TMEM132D: variants seen among roughly 807,000 people sequenced by gnomAD.
The protein encoded by TMEM132D is mature OL transmembrane protein.
Under a neutral mutation model 62.3 loss-of-function variants are expected in TMEM132D, and 21 were observed. The observed-to-expected ratio is 0.34, with a 90% confidence interval of 0.24 to 0.49. The LOEUF (loss-of-function observed/expected upper bound fraction) is 0.49. TMEM132D is among the 20% of genes least tolerant of loss of function. The probability of loss-of-function intolerance (pLI) is 0.99; values close to 1 mark genes in which losing one functional copy is unlikely to be tolerated. For missense variants in TMEM132D, 1,346 were observed against 1,402.8 expected, an observed-to-expected ratio of 0.96 and a Z score of 0.65; for synonymous variants, 621 against 575.6, an observed-to-expected ratio of 1.08 and a Z score of -1.13.
chr12:129,568,365 C>A (rs966240948), intron 2 of TMEM132D, among the ~76,000 whole-genome samples: 1 of 152,228 alleles, frequency 6.6e-6, no homozygotes, highest in African/African-American at 2.4e-5. Flanking sequence ...CACTGACAAA[C>A]GCAATTCCCT....
In TMEM132D at chr12:129,209,501, CG is replaced by C. The variant is rs1565998149; in HGVS notation, c.1443+18del. ...ACATGACAGCAGGTTTCTGCAGGGG[CG>C]GGGAGGTGTCAACTTGCCTTAATCA... On this transcript the variant is annotated intron_variant, in intron 5 of 8. Transcript: ENST00000422113. The C allele has an allele frequency of 6.2e-7, 1 of 1,613,328 alleles. No individual in the cohort carries two copies.
At chr12:129,594,219 T>C (rs1290033698) in intron 2 of TMEM132D, among the ~76,000 whole-genome samples, 2 of 152,220 alleles carry the variant, frequency 1.3e-5, no homozygotes, top group African/African-American at 4.8e-5. Flanking sequence ...TTAAAGCTGA[T>C]TTGGCTTAGC....
intron 2 of TMEM132D, chr12:129,681,644 G>T (rs1487933798): frequency 1.3e-5 from 2 of 152,210 alleles, no homozygotes; most frequent in Non-Finnish European, 2.9e-5. Context: ...AGAAGCTCCA[G>T]ATCATCACTT....
At chr12:129,703,376 G>T (rs886323535) in intron 1 of TMEM132D, among the ~76,000 whole-genome samples, 1 of 152,146 alleles carries the variant, frequency 6.6e-6, no homozygotes, top group Non-Finnish European at 1.5e-5. Flanking sequence ...TCCACAAATG[G>T]TCTATTAGTC....
At chr12:129,589,491 C>T (rs1203633625) in intron 2 of TMEM132D, among the ~76,000 whole-genome samples, 1 of 152,190 alleles carries the variant, frequency 6.6e-6, no homozygotes, top group Non-Finnish European at 1.5e-5. Context: ...TATGCAAGGA[C>T]AAACGATTCA....
At chr12:129,301,805 C>G (rs1308918926) in intron 4 of TMEM132D, among the ~76,000 whole-genome samples, 3 of 152,042 alleles carry the variant, frequency 2.0e-5, no homozygotes, top group Admixed American at 6.6e-5. Context: ...ATGAAACGCC[C>G]AACACCAGAA....
At chr12:129,229,188 C>G (rs1356972323) in intron 4 of TMEM132D, among the ~76,000 whole-genome samples, 2 of 152,206 alleles carry the variant, frequency 1.3e-5, no homozygotes, top group Non-Finnish European at 2.9e-5. Context: ...AAACACTCAG[C>G]TTCGGGTGTA....
chr12:129,848,424 G>T (rs932747953), intron 1 of TMEM132D, among the ~76,000 whole-genome samples: 5 of 152,066 alleles, frequency 3.3e-5, no homozygotes, highest in African/African-American at 1.2e-4. Context: ...GCTTCAGCTT[G>T]GTCTTAAGAT....
intron 1 of TMEM132D, among the ~76,000 whole-genome samples, chr12:129,723,713 T>C (rs1208549928): frequency 6.6e-6 from 1 of 152,204 alleles, no homozygotes; most frequent in Non-Finnish European, 1.5e-5. Context: ...ACAGTCCTTC[T>C]TATCTTCTTT....
intron 5 of TMEM132D, among the ~76,000 whole-genome samples, chr12:129,134,324 C>T (rs1339165933): frequency 1.3e-5 from 2 of 151,974 alleles, no homozygotes; most frequent in Non-Finnish European, 2.9e-5. Context: ...CTTTCTTTAT[C>T]CACTTTTGGA....
chr12:129,841,094 A>G (rs1402767454), intron 1 of TMEM132D, among the ~76,000 whole-genome samples: 1 of 152,194 alleles, frequency 6.6e-6, no homozygotes, highest in Non-Finnish European at 1.5e-5. Flanking sequence ...GGATGCATAA[A>G]CACGCAGAGT....
chr12:129,810,515 A>C (rs559421667), intron 1 of TMEM132D, among the ~76,000 whole-genome samples: 1 of 151,492 alleles, frequency 6.6e-6, no homozygotes, highest in African/African-American at 2.4e-5. Flanking sequence ...GGTCCTGCAT[A>C]TAAATTAATT....
At chr12:129,679,622 A>C (rs968062835) in intron 2 of TMEM132D, among the ~76,000 whole-genome samples, 4 of 151,866 alleles carry the variant, frequency 2.6e-5, no homozygotes, top group African/African-American at 9.7e-5. Flanking sequence ...TCTTTATGTC[A>C]ATAATTCTAT....
chr12:129,492,798 C>T (rs1874838793), intron 3 of TMEM132D, among the ~76,000 whole-genome samples: 1 of 152,112 alleles, frequency 6.6e-6, no homozygotes, highest in Non-Finnish European at 1.5e-5. Flanking sequence ...CTAAGGTCTA[C>T]CCATGAACAA....
chr12:129,183,358 G>A (rs1021247296), intron 5 of TMEM132D, among the ~76,000 whole-genome samples: 11 of 152,178 alleles, frequency 7.2e-5, no homozygotes, highest in South Asian at 2.1e-4. Context: ...CTGCTCATCC[G>A]TCATTATCTT....
chr12:129,346,448 T>A (rs139234966), intron 3 of TMEM132D, among the ~76,000 whole-genome samples: 4 of 152,330 alleles, frequency 2.6e-5, no homozygotes, highest in African/African-American at 9.6e-5. Flanking sequence ...CAGTTCTGCT[T>A]TGATCTTACT....
chr12:129,547,800 G>A (rs1876778033), intron 2 of TMEM132D, among the ~76,000 whole-genome samples: 1 of 152,180 alleles, frequency 6.6e-6, no homozygotes, highest in Non-Finnish European at 1.5e-5. Context: ...CTTTGTAAGA[G>A]TTGTTATGAA....
chr12:129,773,197 C>G (rs1870812960), intron 1 of TMEM132D, among the ~76,000 whole-genome samples: 1 of 152,214 alleles, frequency 6.6e-6, no homozygotes, highest in South Asian at 2.1e-4. Flanking sequence ...CAGTCATTCA[C>G]TTAATTACGC....
At chr12:129,466,753 A>G (rs1049612848) in intron 3 of TMEM132D, among the ~76,000 whole-genome samples, 4 of 152,172 alleles carry the variant, frequency 2.6e-5, no homozygotes, top group Non-Finnish European at 5.9e-5. Context: ...CTCATTGCTT[A>G]CTTGTTCTCA....
Sources: gnomAD v4.1 joint callset for allele counts (sites outside exome capture counted in the v4.1 genomes callset) on GRCh38, gnomAD v4.1.1 for gene constraint, MANE v1.5 for transcripts, NCBI Gene and HGNC (gene_info 2026-07-23, HGNC 2026-07-21) for gene names.